Variants in SUPT3H observed in about 807,000 individuals in gnomAD.
SUPT3H encodes transcription initiation protein SPT3 homolog.
SUPT3H carries 44 observed loss-of-function variants against 44.3 expected under a neutral mutation model. That is an observed-to-expected ratio of 0.99 (90% CI 0.78 to 1.28). SUPT3H has a LOEUF of 1.28. Ranked by LOEUF, SUPT3H falls within the 50% of genes most tolerant of loss-of-function variation. The probability of loss-of-function intolerance (pLI) is 0.00; values close to 1 mark genes in which losing one functional copy is unlikely to be tolerated. For synonymous variants in SUPT3H, 124 were observed against 125.6 expected (o/e 0.99, Z 0.09); for missense variants, 380 against 387.1 (o/e 0.98, Z 0.15).
At chr6:45,346,634 C>A (rs1410923251) in intron 2 of SUPT3H, among the ~76,000 whole-genome samples, 1 of 148,932 alleles carries the variant, frequency 6.7e-6, no homozygotes, top group East Asian at 2.0e-4. Context: ...GTGGTGCGAT[C>A]TCGGCTCACT....
chr6:45,005,884 G>C (rs1782651147), intron 5 of SUPT3H, among the ~76,000 whole-genome samples: 1 of 152,020 alleles, frequency 6.6e-6, no homozygotes, highest in Admixed American at 6.6e-5. Flanking sequence ...TTTTGTAAAT[G>C]TTCTGTAGAT....
chr6:45,248,064 C>G (rs1164000932), intron 2 of SUPT3H, among the ~76,000 whole-genome samples: 1 of 152,018 alleles, frequency 6.6e-6, no homozygotes. Context: ...ACAACTTATA[C>G]AAATGTAATT....
chr6:45,006,859 T>C (rs1210901813), intron 5 of SUPT3H, among the ~76,000 whole-genome samples: 1 of 152,198 alleles, frequency 6.6e-6, no homozygotes, highest in Non-Finnish European at 1.5e-5. Flanking sequence ...TCACATATTG[T>C]ATCATTAGAG....
chr6:45,368,436 C>CA (rs887192555), intron 1 of SUPT3H, among the ~76,000 whole-genome samples: 4 of 150,944 alleles, frequency 2.6e-5, no homozygotes, highest in East Asian at 1.9e-4. Context: ...ATATTGCTAT[C>CA]AAAAAAAAAG....
chr6:45,174,870 A>T (rs1262752906), intron 2 of SUPT3H, among the ~76,000 whole-genome samples: 1 of 151,930 alleles, frequency 6.6e-6, no homozygotes, highest in Non-Finnish European at 1.5e-5. Context: ...CTCCTTACAC[A>T]TGATTCATCT....
intron 2 of SUPT3H, among the ~76,000 whole-genome samples, chr6:45,123,202 C>G (rs183264556): frequency 6.6e-6 from 1 of 152,232 alleles, no homozygotes; most frequent in East Asian, 1.9e-4. Context: ...CAAATGTAAA[C>G]ACCAAGTCCT....
At chr6:45,111,378 C>T (rs1338489056) in intron 2 of SUPT3H, among the ~76,000 whole-genome samples, 1 of 151,940 alleles carries the variant, frequency 6.6e-6, no homozygotes, top group East Asian at 1.9e-4. Flanking sequence ...GTTAGAAAAT[C>T]TTTTTGCATT....
chr6:44,860,630 A>G (rs1774495155), intron 10 of SUPT3H, among the ~76,000 whole-genome samples: 1 of 152,182 alleles, frequency 6.6e-6, no homozygotes, highest in Non-Finnish European at 1.5e-5. Flanking sequence ...GTAAACAGAC[A>G]CTACTAGGAC....
intron 6 of SUPT3H, among the ~76,000 whole-genome samples, chr6:44,964,491 C>G (rs1776507786): frequency 6.6e-6 from 1 of 152,142 alleles, no homozygotes; most frequent in African/African-American, 2.4e-5. Flanking sequence ...ATAAGTGTTT[C>G]TAGAAATGAG....
intron 3 of SUPT3H, among the ~76,000 whole-genome samples, chr6:45,068,473 A>T (rs1034052779): frequency 6.9e-6 from 1 of 145,796 alleles, no homozygotes; most frequent in African/African-American, 2.7e-5. Context: ...TAAAAAAATA[A>T]AAAAAAAAGA....
At chr6:45,366,091 T>C (rs1795089148) in intron 1 of SUPT3H, among the ~76,000 whole-genome samples, 2 of 152,202 alleles carry the variant, frequency 1.3e-5, no homozygotes, top group Non-Finnish European at 2.9e-5. Context: ...TCTATTACAC[T>C]ATTATACTGG....
chr6:45,182,329 C>A (rs1276861715), intron 2 of SUPT3H, among the ~76,000 whole-genome samples: 1 of 152,148 alleles, frequency 6.6e-6, no homozygotes, highest in Admixed American at 6.5e-5. Flanking sequence ...GGCGCAATCT[C>A]GACTCACTGC....
chr6:44,820,825 G>T (rs1054629170), intron 11 of SUPT3H, among the ~76,000 whole-genome samples: 1 of 152,160 alleles, frequency 6.6e-6, no homozygotes, highest in Non-Finnish European at 1.5e-5. Context: ...ATTTAAAAGG[G>T]TGGTCAGAGA....
intron 6 of SUPT3H, among the ~76,000 whole-genome samples, chr6:44,976,600 TG>T (rs1303557073): frequency 6.6e-6 from 1 of 152,156 alleles, no homozygotes; most frequent in Non-Finnish European, 1.5e-5. Context: ...TGACCTCAAG[TG>T]ATCTGCCCGC....
intron 3 of SUPT3H, chr6:45,098,800 C>G (rs1342034882): frequency 1.9e-6 from 1 of 529,710 alleles, no homozygotes; most frequent in African/African-American, 1.9e-5. Flanking sequence ...TACTGTTGTT[C>G]AGAGAGAGCA....
intron 10 of SUPT3H, among the ~76,000 whole-genome samples, chr6:44,916,476 A>G (rs931854523): frequency 2.6e-5 from 4 of 152,188 alleles, no homozygotes; most frequent in Non-Finnish European, 5.9e-5. Flanking sequence ...TTGCCCACAC[A>G]AGGGCAAACA....
chr6:44,926,772 A>G (rs950733325), intron 10 of SUPT3H, among the ~76,000 whole-genome samples: 10 of 152,158 alleles, frequency 6.6e-5, no homozygotes, highest in Admixed American at 1.3e-4. Flanking sequence ...GAGTCAGTAC[A>G]GTGCAGTGCA....
chr6:45,020,083 T>C (rs888546429), intron 4 of SUPT3H, among the ~76,000 whole-genome samples: 3 of 151,950 alleles, frequency 2.0e-5, no homozygotes, highest in African/African-American at 7.2e-5. Flanking sequence ...CACTGAAAAT[T>C]AATCTTTATT....
intron 2 of SUPT3H, among the ~76,000 whole-genome samples, chr6:45,293,286 G>A (rs573303889): frequency 5.9e-5 from 9 of 152,072 alleles, no homozygotes; most frequent in Non-Finnish European, 1.2e-4. Flanking sequence ...TCTTTGAACT[G>A]AATGACAATA....
Sources: gnomAD v4.1 joint callset for allele counts (sites outside exome capture counted in the v4.1 genomes callset) on GRCh38, gnomAD v4.1.1 for gene constraint, MANE v1.5 for transcripts, NCBI Gene and HGNC (gene_info 2026-07-23, HGNC 2026-07-21) for gene names.